Variants in DEF6 observed in about 807,000 individuals in gnomAD.
The protein encoded by DEF6 is DEF6 guanine nucleotide exchange factor.
A neutral mutation model predicts 80.5 loss-of-function variants in DEF6; 32 were observed. That is an observed-to-expected ratio of 0.40 (90% CI 0.30 to 0.53). DEF6 has a LOEUF of 0.53. Among genes scored for constraint, DEF6 ranks in the 20% least tolerant of loss-of-function variants. The probability of loss-of-function intolerance (pLI) is 0.57; values close to 1 mark genes in which losing one functional copy is unlikely to be tolerated. For missense variants in DEF6, 575 were observed against 818.7 expected, an observed-to-expected ratio of 0.70 and a Z score of 3.63; for synonymous variants, 300 against 337.9, an observed-to-expected ratio of 0.89 and a Z score of 1.23.
chr6:35,310,328 C>T, intron 2 of DEF6, 131 bp from the exon 3 acceptor site: 1 of 901,758 alleles, frequency 1.1e-6, no homozygotes, highest in East Asian at 2.6e-5. Context: ...CTCAGGGATC[C>T]CTTGAGTTAG....
rs760395806 is a variant in DEF6 at position 35,319,592 on chromosome 6, C to T, written c.1284C>T (p.Ile428=). The T allele has an allele frequency of 3.4e-5, 55 of 1,613,858 alleles. No individual in the cohort carries two copies. The East Asian group carries it at 1.1e-3, about 33-fold the overall frequency. Residue 428 remains isoleucine, a synonymous_variant, in exon 8 of 11, where the codon ATC becomes ATT. Coordinates refer to ENST00000316637, the MANE Select transcript of DEF6 (RefSeq NM_022047.4). This position sits in a 1 kb window ranked among gnomAD's most constrained non-coding sequence, Gnocchi z 4.5. ...EEEAARQRQR[I]KELEEMQQRL... Reference sequence around the variant, plus strand: ...AGGCTGCCCGGCAGCGGCAGCGCATCAAGGAGCTGGAGGAGATGCAGCAGC... The same window carrying T: ...AGGCTGCCCGGCAGCGGCAGCGCATTAAGGAGCTGGAGGAGATGCAGCAGC...
Position 35,312,306 on chromosome 6 carries a change from A to G in DEF6, c.428A>G (p.Glu143Gly). The G allele has an allele frequency of 1.2e-6, 2 of 1,613,662 alleles. No individual in the cohort carries two copies. Among genetic ancestry groups the G allele is most frequent in the Non-Finnish European group, 1.7e-6 (2 of 1,179,712 alleles). Reference sequence around the variant, plus strand: ...GCCTTCCTTCTCCTGCTCCAGGTGGAATACCTGCTGAAAAAGGTACTCAGC... The same window carrying G: ...GCCTTCCTTCTCCTGCTCCAGGTGGGATACCTGCTGAAAAAGGTACTCAGC... ...YPLIMVPDEV[E>G]YLLKKVLSSM... The change falls in exon 4 of 11, where the codon GAA becomes GGA. Residue 143 changes from glutamate (E) to glycine (G), a missense_variant. Physicochemically the swap from Glu to Gly is moderately conservative, Grantham distance 98. Transcript: ENST00000316637. The surrounding 1 kb of genome is among the most constrained non-coding windows in gnomAD (Gnocchi z 6.6).
chr6:35,320,846 A>G, intron 9 of DEF6, 38 bp from the exon 10 acceptor site: 1 of 1,561,348 alleles, frequency 6.4e-7, no homozygotes, highest in Non-Finnish European at 8.7e-7. Flanking sequence ...GCCATGGATG[A>G]TGGTTCTGAT....
chr6:35,312,948 G>A lies in DEF6; in HGVS notation c.807+176G>A, dbSNP rs1401396772. ...ATGCCTCAAGGCCATTCTCATCCAC[G>A]TCAGCACTTAAAACTAAAACTGCAA... On this transcript the variant is annotated intron_variant, in intron 5 of 10. Transcript: ENST00000316637. This position sits in a 1 kb window ranked among gnomAD's most constrained non-coding sequence, Gnocchi z 6.6. Among the ~76,000 whole-genome samples, 1 of 152,112 alleles carries A rather than the reference G, an allele frequency of 6.6e-6. No homozygotes were observed. The highest frequency in any genetic ancestry group is 6.5e-5 in the Admixed American group (1 of 15,270).
At position 35,307,823 on chromosome 6, in the gene DEF6, TC is replaced by T. The variant is rs1258889619; in HGVS notation, c.97-1846del. Among the ~76,000 whole-genome samples the T allele has an allele frequency of 5.3e-5, 8 of 152,182 alleles. No individual in the cohort carries two copies. The East Asian group carries it at 1.2e-3, about 22-fold the overall frequency. Reference sequence around the variant, plus strand: ...ACACTGAGGCAAAGTCTCAATACTTTCTCCCCCTCCTCTCTGAAAAGAGAAT... The same window carrying T: ...ACACTGAGGCAAAGTCTCAATACTTTTCCCCCTCCTCTCTGAAAAGAGAAT... On this transcript the variant is annotated intron_variant, in intron 1 of 10. Transcript: ENST00000316637.
At position 35,318,337 on chromosome 6, in the gene DEF6, C is replaced by G. The variant is rs1489271556; in HGVS notation, c.1081C>G (p.Leu361Val). The G allele has an allele frequency of 6.5e-6, 10 of 1,544,838 alleles. No homozygotes were observed. The highest frequency in any genetic ancestry group is 8.7e-6 in the Non-Finnish European group (10 of 1,146,636). The change falls in exon 7 of 11, where the codon CTG (leucine) becomes GTG (valine). Residue 361 changes from leucine (L) to valine (V), a missense_variant. By Grantham distance (32) the Leu-to-Val change is conservative (BLOSUM62 1). Coordinates refer to ENST00000316637, the MANE Select transcript of DEF6 (RefSeq NM_022047.4). This position sits in a 1 kb window ranked among gnomAD's most constrained non-coding sequence, Gnocchi z 5.1. ...GCTGCAGGAGGAGAAGGAGCGGAAGCTGCAGGAGCTGGAGCTGCTGCAGGA... is the reference window on the plus strand; with the variant it reads ...GCTGCAGGAGGAGAAGGAGCGGAAGGTGCAGGAGCTGGAGCTGCTGCAGGA... ...QQLQEEKERK[L>V]QELELLQEAQ... is the part of the protein sequence containing the mutation.
Position 35,312,092 on chromosome 6 carries a change from G to A in DEF6, c.424-210G>A, listed in dbSNP as rs1385783466. ...GGAGTGGGACTGGAGGTTGTGGACG[G>A]GGAGAGAAAACCTGAGTTGGGGTTG... On this transcript the variant is annotated intron_variant, in intron 3 of 10. Coordinates refer to ENST00000316637, the MANE Select transcript of DEF6 (RefSeq NM_022047.4). This position sits in a 1 kb window ranked among gnomAD's most constrained non-coding sequence, Gnocchi z 6.6. 1.3e-5 allele frequency among the ~76,000 whole-genome samples: 2 copies of A among 152,194 alleles called. No homozygotes were observed. The highest frequency in any genetic ancestry group is 6.5e-5 in the Admixed American group (1 of 15,288).
Position 35,312,794 on chromosome 6 carries a change from G to A in DEF6, c.807+22G>A. 3 of 1,604,150 alleles carry A rather than the reference G, an allele frequency of 1.9e-6. No homozygotes were observed. The highest frequency in any genetic ancestry group is 2.6e-6 in the Non-Finnish European group (3 of 1,175,384). The stretch of plus-strand genomic sequence containing the variant: ...GGAGGTGAGGGGCAGGATGGGGGTG[G>A]AGGACATCTCAGGGCCCAGAGTGTC... On this transcript the variant is annotated intron_variant, in intron 5 of 10. Transcript: ENST00000316637. This position sits in a 1 kb window ranked among gnomAD's most constrained non-coding sequence, Gnocchi z 6.6.
chr6:35,321,471 C>A lies in DEF6; in HGVS notation c.*61C>A. ...CCACCAGGACCTGGCCACAGCTGGC[C>A]TGTGGGTGATCCCAGCTCTTACTAG... On this transcript the variant is annotated 3_prime_UTR_variant, in exon 11 of 11. Transcript: ENST00000316637. The A allele has an allele frequency of 6.7e-7, 1 of 1,498,650 alleles. No individual in the cohort carries two copies. Among genetic ancestry groups the A allele is most frequent in the Non-Finnish European group, 9.2e-7 (1 of 1,091,420 alleles). 92.8% of individuals were successfully genotyped at this position (1,498,650 alleles called of 1,614,324 possible).
intron 3 of DEF6, among the ~76,000 whole-genome samples, chr6:35,311,772 C>T (rs755491697): frequency 3.9e-5 from 6 of 152,218 alleles, no homozygotes; most frequent in Non-Finnish European, 7.3e-5. Context: ...CAACGCCTAC[C>T]CCTACCCCAA....
In DEF6 at chr6:35,319,482, C is replaced by T; in HGVS notation, c.1216-42C>T. The stretch of plus-strand genomic sequence containing the variant: ...CCTCCTCCTCCGCCCCCACGTGCCC[C>T]TTTTGACCTGGCTCTTGGTCCACCA... On this transcript the variant is annotated intron_variant, in intron 7 of 10. Coordinates refer to ENST00000316637, the MANE Select transcript of DEF6 (RefSeq NM_022047.4). This position sits in a 1 kb window ranked among gnomAD's most constrained non-coding sequence, Gnocchi z 4.5. 2 of 1,574,056 alleles carry T rather than the reference C, an allele frequency of 1.3e-6. No homozygotes were observed. The highest frequency in any genetic ancestry group is 1.7e-6 in the Non-Finnish European group (2 of 1,157,518).
intron 9 of DEF6, 99 bp downstream of exon 9, chr6:35,320,116 C>T: frequency 8.2e-7 from 1 of 1,214,314 alleles, no homozygotes. Context: ...CTGGCCCTAG[C>T]AGCTGCTGGC....
In DEF6 at chr6:35,312,822, CAG is replaced by C. The variant is rs1160381347; in HGVS notation, c.807+51_807+52del. ...GACATCTCAGGGCCCAGAGTGTCCT[CAG>C]GGGCATGAGAAGACAAGGGGGTCAG... On this transcript the variant is annotated intron_variant, in intron 5 of 10. Transcript: ENST00000316637. The surrounding 1 kb of genome is among the most constrained non-coding windows in gnomAD (Gnocchi z 6.6). 6.4e-7 allele frequency: 1 copy of C among 1,561,266 alleles called. No homozygotes were observed. The highest frequency in any genetic ancestry group is 8.7e-7 in the Non-Finnish European group (1 of 1,150,110).
At chr6:35,306,285 C>A (rs1285544489) in intron 1 of DEF6, among the ~76,000 whole-genome samples, 1 of 150,880 alleles carries the variant, frequency 6.6e-6, no homozygotes. Flanking sequence ...CCGAGGCGGG[C>A]GGAACACCTG....
At chr6:35,320,505 G>A (rs900917724) in intron 9 of DEF6, among the ~76,000 whole-genome samples, 1 of 152,226 alleles carries the variant, frequency 6.6e-6, no homozygotes, top group East Asian at 1.9e-4. Context: ...GTGCTGGAAA[G>A]GTGGTGTAGT....
In DEF6 at chr6:35,312,354, T is replaced by C. The variant is rs760399698; in HGVS notation, c.476T>C (p.Leu159Ser). ...VLSSMSLEVS[L>S]GELEELLAQE... ...AGCAGCATGAGCTTGGAGGTGAGCT[T>C]GGGTGAGCTGGAGGAGCTTCTGGCC... The change falls in exon 4 of 11, where the codon TTG (leucine) becomes TCG (serine). Residue 159 changes from leucine to serine, a missense_variant. Leu to Ser is a moderately radical substitution (Grantham distance 145, BLOSUM62 -2). Coordinates refer to ENST00000316637, the MANE Select transcript of DEF6 (RefSeq NM_022047.4). This position sits in a 1 kb window ranked among gnomAD's most constrained non-coding sequence, Gnocchi z 6.6. 17 of 1,614,072 alleles carry C rather than the reference T, an allele frequency of 1.1e-5. No individual in the cohort carries two copies. Among genetic ancestry groups the C allele is most frequent in the South Asian group, 3.3e-5 (3 of 91,074 alleles).
intron 1 of DEF6, among the ~76,000 whole-genome samples, chr6:35,305,026 A>G (rs1202647453): frequency 6.8e-6 from 1 of 146,286 alleles, no homozygotes; most frequent in African/African-American, 2.5e-5. Context: ...CCGAGGCAGG[A>G]GGATCTCTTG....
At chr6:35,310,234 A>G (rs1322075662) in intron 2 of DEF6, among the ~76,000 whole-genome samples, 1 of 151,926 alleles carries the variant, frequency 6.6e-6, no homozygotes, top group Non-Finnish European at 1.5e-5. Context: ...GACTAGAGTT[A>G]ATCTGTTGTC....
chr6:35,298,819 A>G (rs1046518164), intron 1 of DEF6, among the ~76,000 whole-genome samples: 4 of 152,178 alleles, frequency 2.6e-5, no homozygotes, highest in Non-Finnish European at 5.9e-5. Context: ...AGGACCTGCC[A>G]TAGGGGTGCC....
Sources: gnomAD v4.1 joint callset for allele counts (sites outside exome capture counted in the v4.1 genomes callset) on GRCh38, gnomAD v4.1.1 for gene constraint, Gnocchi (gnomAD v3.1) non-coding constraint, MANE v1.5 for transcripts, NCBI Gene and HGNC (gene_info 2026-07-23, HGNC 2026-07-21) for gene names.